PAK3: variants seen among roughly 807,000 people sequenced by gnomAD.
PAK3 encodes the protein serine/threonine-protein kinase PAK 3.
A neutral mutation model predicts 41.0 loss-of-function variants in PAK3; 4 were observed. The observed-to-expected ratio is 0.10, with a 90% confidence interval of 0.05 to 0.22. PAK3 has a LOEUF of 0.22. Ranked by LOEUF, PAK3 falls within the 10% of genes least tolerant of loss-of-function variation. The pLI is 1.00. For missense variants in PAK3, 205 were observed against 409.9 expected (o/e 0.50, Z 4.32); for synonymous variants, 146 against 139.6 (o/e 1.05, Z -0.32).
chrX:111,144,187 T>C (rs2093912369), intron 6 of PAK3, among the ~76,000 whole-genome samples: 2 of 111,935 alleles, frequency 1.8e-5, no homozygotes, highest in African/African-American at 6.5e-5. Flanking sequence ...AACAGTTGGA[T>C]ACAACCAAAC....
chrX:111,208,559 TAGTCACCTACAGTATTCAATAC>T (rs774816459), intron 16 of PAK3, among the ~76,000 whole-genome samples: 1 of 112,188 alleles, frequency 8.9e-6, no homozygotes, highest in East Asian at 2.8e-4. Context: ...CACACTGCAC[TAGTCACCTACAGTATTCAATAC>T]AGTCACATGC....
chrX:110,995,796 G>A (rs910516048), intron 1 of PAK3, among the ~76,000 whole-genome samples: 3 of 110,780 alleles, frequency 2.7e-5, no homozygotes, highest in Admixed American at 9.7e-5. Flanking sequence ...CACCACCTGC[G>A]CTGATCTACT....
chrX:111,213,266 T>C (rs1043995854), intron 16 of PAK3, among the ~76,000 whole-genome samples: 4 of 112,000 alleles, frequency 3.6e-5, no homozygotes, highest in African/African-American at 1.3e-4. Flanking sequence ...TTTGAAGTAC[T>C]GTAGAGGTTC....
intron 1 of PAK3, among the ~76,000 whole-genome samples, chrX:110,976,368 A>G (rs2091330035): frequency 8.9e-6 from 1 of 112,529 alleles, no homozygotes; most frequent in Admixed American, 9.3e-5. Context: ...AATGCTCATC[A>G]TCACTGGTCA....
chrX:110,965,890 G>T (rs2091071760), intron 1 of PAK3, among the ~76,000 whole-genome samples: 1 of 111,752 alleles, frequency 8.9e-6, no homozygotes, highest in Non-Finnish European at 1.9e-5. Flanking sequence ...GATCAAAGGG[G>T]TTAAGTAATT....
chrX:111,171,343 G>C (rs60866927), intron 10 of PAK3, among the ~76,000 whole-genome samples: 1,857 of 111,077 alleles, frequency 0.017, 40 homozygotes, highest in African/African-American at 0.057. Context: ...TGACATGTTT[G>C]CTTCCAGAAA....
At chrX:111,063,942 C>T (rs1381915851) in intron 1 of PAK3, among the ~76,000 whole-genome samples, 3 of 111,581 alleles carry the variant, frequency 2.7e-5, no homozygotes, top group Non-Finnish European at 5.6e-5. Flanking sequence ...AAGCTGGACT[C>T]CAAGACTAAC....
intron 5 of PAK3, among the ~76,000 whole-genome samples, chrX:111,133,203 C>A (rs183138844): frequency 8.9e-6 from 1 of 111,767 alleles, no homozygotes; most frequent in Non-Finnish European, 1.9e-5. Context: ...CAAGGCTACA[C>A]CCTACTTATT....
At position 111,196,601 on chromosome X, in the gene PAK3, G is replaced by A. The variant is rs771442721; in HGVS notation, c.1368G>A (p.Val456=). The part of the protein sequence containing the change: ...WSLGIMAIEM[V]EGEPPYLNEN... ...TTGGAATTATGGCAATTGAAATGGT[G>A]GAAGGTGAACCCCCTTACCTTAATG... is the stretch of plus-strand genomic sequence containing the variant. The change falls in exon 16 of 18, where the codon GTG becomes GTA. Residue 456 remains valine (V), a synonymous_variant. Transcript: ENST00000372007. 1 of 1,204,270 alleles carries A rather than the reference G, an allele frequency of 8.3e-7. No homozygotes were observed.
intron 1 of PAK3, among the ~76,000 whole-genome samples, chrX:111,080,941 G>T (rs778263618): frequency 9.0e-6 from 1 of 111,576 alleles, no homozygotes; most frequent in East Asian, 2.8e-4. Flanking sequence ...CAACATGGAT[G>T]AACCTGGAGG....
At chrX:111,056,783 T>C (rs374259881) in intron 1 of PAK3, among the ~76,000 whole-genome samples, 4 of 111,955 alleles carry the variant, frequency 3.6e-5, no homozygotes, top group African/African-American at 1.3e-4. Flanking sequence ...GTTTCCAATG[T>C]TTTGCTATTA....
intron 1 of PAK3, among the ~76,000 whole-genome samples, chrX:110,991,844 G>T (rs1479343435): frequency 1.8e-5 from 2 of 110,920 alleles, no homozygotes; most frequent in African/African-American, 6.6e-5. Flanking sequence ...TAACTACTGT[G>T]TGCTAGCCAG....
intron 16 of PAK3, among the ~76,000 whole-genome samples, chrX:111,207,921 A>G (rs763580430): frequency 8.9e-6 from 1 of 112,179 alleles, no homozygotes; most frequent in Admixed American, 9.4e-5. Flanking sequence ...CAGCCTCCCT[A>G]GTAGCTGAGA....
chrX:110,961,533 C>CCAAAA (rs2090977240), intron 1 of PAK3, among the ~76,000 whole-genome samples: 1 of 111,694 alleles, frequency 9.0e-6, no homozygotes, highest in Admixed American at 9.5e-5. Context: ...CCTGTTGTCT[C>CCAAAA]CTCTGGCACT....
At chrX:111,172,728 G>GT (rs778442028) in intron 10 of PAK3, among the ~76,000 whole-genome samples, 48 of 110,279 alleles carry the variant, frequency 4.4e-4, no homozygotes, top group African/African-American at 1.5e-3. Flanking sequence ...GTTGTGACAA[G>GT]TTTTTTTTGT....
rs184076056 is a variant in PAK3 at position 111,222,985 on chromosome X, A to C, written c.*2538A>C. On this transcript the variant is annotated 3_prime_UTR_variant, in exon 18 of 18. Transcript: ENST00000372007. ...ATTTTCAAATGAGAACAGCTTCTAA[A>C]GCCCCTTCCCTGTATTGGAGAGTTA... The C allele has an allele frequency of 2.3e-4, 26 of 111,872 alleles. No homozygotes were observed. The highest frequency in any genetic ancestry group is 2.0e-3 in the Admixed American group (21 of 10,481). The allele number at this position is 111,872 out of a possible 1,213,427, so 9.2% of individuals were successfully genotyped here.
At chrX:111,102,147 G>C (rs2093154082) in intron 3 of PAK3, among the ~76,000 whole-genome samples, 2 of 111,455 alleles carry the variant, frequency 1.8e-5, no homozygotes, top group African/African-American at 3.3e-5. Context: ...AAGCAGAGTA[G>C]GAAGGATTGC....
At chrX:111,006,005 T>C (rs749339107) in intron 1 of PAK3, among the ~76,000 whole-genome samples, 1 of 111,188 alleles carries the variant, frequency 9.0e-6, no homozygotes, top group Admixed American at 9.6e-5. Flanking sequence ...AGAGTTCCTA[T>C]CCCAGCAATA....
chrX:111,114,953 C>G (rs1262302174), intron 4 of PAK3, among the ~76,000 whole-genome samples: 1 of 112,077 alleles, frequency 8.9e-6, no homozygotes, highest in African/African-American at 3.2e-5. Flanking sequence ...TCTGTTTTAT[C>G]TGCAGTTTTC....
Sources: gnomAD v4.1 joint callset for allele counts (sites outside exome capture counted in the v4.1 genomes callset) on GRCh38, gnomAD v4.1.1 for gene constraint, MANE v1.5 for transcripts, NCBI Gene and HGNC (gene_info 2026-07-23, HGNC 2026-07-21) for gene names.